SNRPN: variants seen among roughly 807,000 people sequenced by gnomAD.
SNRPN encodes small nuclear ribonucleoprotein polypeptide N, also known as small nuclear ribonucleoprotein-associated protein N.
Under a neutral mutation model 25.2 loss-of-function variants are expected in SNRPN, and 7 were observed. That is an observed-to-expected ratio of 0.28 (90% CI 0.16 to 0.52). The LOEUF is 0.52. Ranked by LOEUF, SNRPN falls within the 20% of genes least tolerant of loss-of-function variation. The pLI, the probability that SNRPN is intolerant of heterozygous loss-of-function variation, is 0.96. For synonymous variants in SNRPN, 124 were observed against 110.6 expected (o/e 1.12, Z -0.76); for missense variants, 196 against 322.5 (o/e 0.61, Z 3.00).
At chr15:24,840,163 G>A (rs2051569953) in intron 2 of SNRPN, among the ~76,000 whole-genome samples, 1 of 152,124 alleles carries the variant, frequency 6.6e-6, no homozygotes, top group South Asian at 2.1e-4. Context: ...TTCGAGACCA[G>A]CCTGACCAAT....
intron 1 of SNRPN, among the ~76,000 whole-genome samples, chr15:24,874,364 T>C (rs2055635396): frequency 6.8e-6 from 1 of 146,390 alleles, no homozygotes; most frequent in Non-Finnish European, 1.5e-5. Flanking sequence ...ACGAGCCATA[T>C]GTCAATCTGG....
chr15:24,837,884 A>G (rs1002182132), intron 2 of SNRPN, among the ~76,000 whole-genome samples: 3 of 149,716 alleles, frequency 2.0e-5, no homozygotes, highest in Non-Finnish European at 4.4e-5. Context: ...CACAATGCCC[A>G]GCTAATTTTT....
In SNRPN at chr15:24,893,355, G is replaced by A. The variant is rs574886896; in HGVS notation, c.-505+6766G>A. ...TTTCAGGCTGGGTGCCGTGGCTCAT[G>A]CCTGTAATCCCAGCACATTGGGAAC... On this transcript the variant is annotated intron_variant, in intron 2 of 11. Transcript: ENST00000400097. Among the ~76,000 whole-genome samples the A allele has an allele frequency of 6.6e-5, 10 of 152,306 alleles. No individual in the cohort carries two copies. In the South Asian group the frequency reaches 2.1e-3, roughly 32 times the overall value.
chr15:24,884,582 A>G (rs17179826), intron 1 of SNRPN, among the ~76,000 whole-genome samples: 5,581 of 152,096 alleles, frequency 0.037, 137 homozygotes, highest in Non-Finnish European at 0.053. Context: ...TGATCTTCTG[A>G]AGCCTCGGAT....
chr15:24,974,709 T>C lies in SNRPN; in HGVS notation c.3+253T>C, dbSNP rs1326904214. 4.9e-6 allele frequency: 3 copies of C among 608,766 alleles called. No homozygotes were observed. The East Asian group carries it at 8.2e-5, about 17-fold the overall frequency. The allele number at this position is 608,766 out of a possible 1,614,324, so 37.7% of individuals were successfully genotyped here. A position where few individuals can be genotyped will look rare whatever the true frequency, so the allele number is the denominator to read the frequency against. ...GGTCTTGGCTCACTGCAACCCTGGG[T>C]TCAAGAGATTCTCGTGCCTCAGCCT... On this transcript the variant is annotated intron_variant, in intron 4 of 9. Transcript: ENST00000390687.
chr15:24,925,841 A>G (rs965928401), intron 3 of SNRPN, among the ~76,000 whole-genome samples: 2 of 151,590 alleles, frequency 1.3e-5, no homozygotes, highest in African/African-American at 4.9e-5. Context: ...TCCCAGGTTC[A>G]CGCCATTCTC....
intron 3 of SNRPN, among the ~76,000 whole-genome samples, chr15:24,932,298 G>T (rs1030385081): frequency 9.9e-5 from 15 of 150,858 alleles, no homozygotes; most frequent in Non-Finnish European, 8.9e-5. Flanking sequence ...GCAATGGTGC[G>T]ATCTTGGCTC....
chr15:24,957,660 G>T (rs1291021673), intron 1 of SNRPN, among the ~76,000 whole-genome samples: 1 of 152,166 alleles, frequency 6.6e-6, no homozygotes, highest in Admixed American at 6.5e-5. Flanking sequence ...GAAAAGCCTT[G>T]TTCTGGAATA....
In SNRPN at chr15:24,871,861, C is replaced by T. The variant is rs536135031; in HGVS notation, c.-578-14655C>T. ...CTGGGACTACAGGCGCCCACCACCACGCCTGGCTAATTTTTTTGTACTTTT... is the reference window on the plus strand; with the variant it reads ...CTGGGACTACAGGCGCCCACCACCATGCCTGGCTAATTTTTTTGTACTTTT... On this transcript the variant is annotated intron_variant, in intron 1 of 11. Transcript: ENST00000400097. Among the ~76,000 whole-genome samples, 56 of 120,724 alleles carry T rather than the reference C, an allele frequency of 4.6e-4. 9 individuals are homozygous for T. The highest frequency in any genetic ancestry group is 7.1e-4 in the Non-Finnish European group (39 of 55,018). 79.2% of individuals were successfully genotyped at this position (120,724 alleles called of 152,430 possible). A position where few individuals can be genotyped will look rare whatever the true frequency, so the allele number is the denominator to read the frequency against.
chr15:24,972,053 C>T (rs752300328), intron 3 of SNRPN, among the ~76,000 whole-genome samples: 6 of 151,952 alleles, frequency 3.9e-5, no homozygotes, highest in Non-Finnish European at 7.4e-5. Context: ...GTCAGGAGTT[C>T]GAGACTAGCC....
At position 24,835,127 on chromosome 15, in the gene SNRPN, TATATA is replaced by T. The variant is rs2051032275; in HGVS notation, c.-579+5223_-579+5227del. 6.9e-5 allele frequency among the ~76,000 whole-genome samples: 4 copies of T among 57,588 alleles called. 2 individuals carry two copies. The highest frequency in any genetic ancestry group is 1.5e-4 in the Non-Finnish European group (4 of 27,434). The allele number at this position is 57,588 out of a possible 152,430, so 37.8% of individuals were successfully genotyped here. A position where few individuals can be genotyped will look rare whatever the true frequency, so the allele number is the denominator to read the frequency against. On this transcript the variant is annotated intron_variant, in intron 2 of 12. Coordinates refer to the SNRPN transcript ENST00000400100. ...ATATACTATATATCTATATATAAAA[TATATA>T]GATATATATACTATATATAAAATAT...
chr15:24,893,839 G>A (rs527900669), intron 2 of SNRPN, among the ~76,000 whole-genome samples: 79 of 151,946 alleles, frequency 5.2e-4, no homozygotes, highest in Admixed American at 2.5e-3. Flanking sequence ...ACATCATTAC[G>A]TGTCTGACAT....
intron 3 of SNRPN, among the ~76,000 whole-genome samples, chr15:24,972,241 G>A (rs4133098): frequency 2.8e-5 from 4 of 141,538 alleles, no homozygotes; most frequent in African/African-American, 5.3e-5. Flanking sequence ...GGGCAACAGA[G>A]TGAGACTCTG....
At chr15:24,963,391 C>CG (rs1293946689) in intron 2 of SNRPN, among the ~76,000 whole-genome samples, 1 of 151,902 alleles carries the variant, frequency 6.6e-6, no homozygotes, top group Non-Finnish European at 1.5e-5. Context: ...CTAAGCCAGG[C>CG]GGATCACAAG....
chr15:24,943,483 A>T (rs1230062803), intron 3 of SNRPN, among the ~76,000 whole-genome samples: 4 of 152,078 alleles, frequency 2.6e-5, no homozygotes, highest in Non-Finnish European at 5.9e-5. Context: ...CATTTGAGCC[A>T]CTTCTTCATG....
rs1370121190 is a variant in SNRPN, at chr15:24,834,765, A to C, written c.-579+4860A>C. ...TCTCTCTCTCTCTATATATATATAT[A>C]TATATATATATATAGCCAGGCGTGG... On this transcript the variant is annotated intron_variant, in intron 2 of 12. Transcript: ENST00000400100. 1.4e-3 allele frequency among the ~76,000 whole-genome samples: 104 copies of C among 73,940 alleles called. 1 individual carries two copies. Among genetic ancestry groups the C allele is most frequent in the African/African-American group, 3.5e-3 (81 of 23,192 alleles). The allele number at this position is 73,940 out of a possible 152,430, so 48.5% of individuals were successfully genotyped here.
At chr15:24,877,927 T>G (rs1487947578) in intron 1 of SNRPN, among the ~76,000 whole-genome samples, 1 of 152,194 alleles carries the variant, frequency 6.6e-6, no homozygotes, top group Non-Finnish European at 1.5e-5. Context: ...TCACCTGCTC[T>G]TAAGTAGTGC....
intron 2 of SNRPN, among the ~76,000 whole-genome samples, chr15:24,831,835 T>C (rs2050552903): frequency 6.6e-6 from 1 of 152,112 alleles, no homozygotes; most frequent in Admixed American, 6.5e-5. Flanking sequence ...AATATCCTGT[T>C]TTGCATATAC....
intron 2 of SNRPN, among the ~76,000 whole-genome samples, chr15:24,843,222 T>G (rs1024823646): frequency 3.9e-5 from 6 of 152,156 alleles, no homozygotes; most frequent in Non-Finnish European, 7.3e-5. Context: ...TTTATTAATA[T>G]AAAATGTTAT....
Sources: gnomAD v4.1 joint callset for allele counts (sites outside exome capture counted in the v4.1 genomes callset) on GRCh38, gnomAD v4.1.1 for gene constraint, MANE v1.5 for transcripts, NCBI Gene and HGNC (gene_info 2026-07-23, HGNC 2026-07-21) for gene names.